Variants in ANO4 observed in about 807,000 individuals in gnomAD.
ANO4 encodes the protein anoctamin 4, also known as anoctamin-4.
ANO4 carries 69 observed loss-of-function variants against 141.9 expected under a neutral mutation model. The observed-to-expected ratio is 0.49, with a 90% confidence interval of 0.40 to 0.59. The LOEUF is 0.59. Among genes scored for constraint, ANO4 ranks in the 20% least tolerant of loss-of-function variants. ANO4 has a pLI of 0.00. For synonymous variants in ANO4, 350 were observed against 394.3 expected (o/e 0.89, Z 1.33); for missense variants, 894 against 1,162.2 (o/e 0.77, Z 3.36).
At chr12:100,906,891 A>C (rs1317212781) in intron 2 of ANO4, among the ~76,000 whole-genome samples, 1 of 152,182 alleles carries the variant, frequency 6.6e-6, no homozygotes, top group Non-Finnish European at 1.5e-5. Context: ...GTTCTAAGTG[A>C]AAGAGCCACA....
At chr12:101,033,937 G>A (rs1274221049) in intron 9 of ANO4, among the ~76,000 whole-genome samples, 10 of 152,150 alleles carry the variant, frequency 6.6e-5, no homozygotes, top group African/African-American at 2.4e-4. Flanking sequence ...ACCGTAATGA[G>A]ATACCATCTA....
At position 100,998,768 on chromosome 12, in the gene ANO4, A is replaced by G. The variant is rs59383444; in HGVS notation, c.734+11098A>G. On this transcript the variant is annotated intron_variant, in intron 8 of 27. Transcript: ENST00000392977. ...CCAGCTATGGAAACTCAGGTTGTCA[A>G]TATTAGAGTCAGTCATTCCAGGAGG... Among the ~76,000 whole-genome samples, 452 of 152,326 alleles carry G rather than the reference A, an allele frequency of 3.0e-3. 3 individuals carry two copies. Among genetic ancestry groups the G allele is most frequent in the African/African-American group, 1.0e-2 (415 of 41,586 alleles).
intron 9 of ANO4, 91 bp downstream of exon 9, chr12:101,020,231 G>GTTTGTAT: frequency 1.2e-6 from 1 of 859,318 alleles, no homozygotes; most frequent in Non-Finnish European, 1.8e-6. Flanking sequence ...ATCAATTCTA[G>GTTTGTAT]CAATGCTTGT....
intron 17 of ANO4, among the ~76,000 whole-genome samples, chr12:101,091,403 G>A (rs2049768886): frequency 6.6e-6 from 1 of 152,096 alleles, no homozygotes; most frequent in South Asian, 2.1e-4. Context: ...TGTCCCCTGA[G>A]GTTTTGTGGG....
intron 2 of ANO4, among the ~76,000 whole-genome samples, chr12:100,919,732 G>GTATCTATCTATC (rs763584121): frequency 6.3e-5 from 7 of 111,974 alleles, no homozygotes; most frequent in South Asian, 3.1e-4. Context: ...ATGTGTGTAT[G>GTATCTATCTATC]TATGTATCTA....
chr12:101,074,929 G>C (rs1173078284), intron 14 of ANO4, among the ~76,000 whole-genome samples: 1 of 152,142 alleles, frequency 6.6e-6, no homozygotes, highest in Non-Finnish European at 1.5e-5. Flanking sequence ...GACTCTGAAG[G>C]TATAAAGACA....
At chr12:100,889,059 T>G (rs1474582951) in intron 1 of ANO4, among the ~76,000 whole-genome samples, 2 of 122,120 alleles carry the variant, frequency 1.6e-5, no homozygotes, top group Non-Finnish European at 1.6e-5. Context: ...GTCCCCAGAG[T>G]GTGATGTTCC....
intron 13 of ANO4, among the ~76,000 whole-genome samples, chr12:101,044,465 A>G (rs1362391303): frequency 6.6e-6 from 1 of 152,248 alleles, no homozygotes; most frequent in Non-Finnish European, 1.5e-5. Context: ...ACACAAAACA[A>G]TAGCTGAAGT....
chr12:100,745,565 A>C (rs1392121455), intron 3 of ANO4, among the ~76,000 whole-genome samples: 1 of 152,184 alleles, frequency 6.6e-6, no homozygotes, highest in African/African-American at 2.4e-5. Flanking sequence ...TTGAAGAGAG[A>C]ACTAGGCCTG....
intron 1 of ANO4, among the ~76,000 whole-genome samples, chr12:100,875,367 G>A (rs778493675): frequency 1.3e-5 from 2 of 152,184 alleles, no homozygotes; most frequent in African/African-American, 4.8e-5. Flanking sequence ...ACGCAGGAAT[G>A]TTCTATGAGC....
At chr12:100,745,590 A>G (rs1273933149) in intron 3 of ANO4, among the ~76,000 whole-genome samples, 2 of 152,212 alleles carry the variant, frequency 1.3e-5, no homozygotes, top group East Asian at 1.9e-4. Context: ...ATAGAGCTGA[A>G]GAAATTACCC....
chr12:100,969,660 C>G (rs1320831660), intron 5 of ANO4, among the ~76,000 whole-genome samples: 1 of 152,064 alleles, frequency 6.6e-6, no homozygotes, highest in African/African-American at 2.4e-5. Flanking sequence ...AAAAGTTGAG[C>G]TTCTATTTTT....
intron 8 of ANO4, 67 bp downstream of exon 8, chr12:100,987,737 A>C: frequency 1.9e-6 from 3 of 1,582,650 alleles, no homozygotes; most frequent in Non-Finnish European, 2.6e-6. Context: ...CTCACCCTGC[A>C]CGCCTTTGAT....
chr12:100,900,489 C>A (rs1404982890), intron 1 of ANO4, among the ~76,000 whole-genome samples: 1 of 135,760 alleles, frequency 7.4e-6, no homozygotes, highest in African/African-American at 2.7e-5. Context: ...GTGTGATGTT[C>A]CCCTTCCTGT....
At chr12:100,878,664 G>T (rs1044500803) in intron 1 of ANO4, among the ~76,000 whole-genome samples, 2 of 152,120 alleles carry the variant, frequency 1.3e-5, no homozygotes, top group African/African-American at 4.8e-5. Context: ...TAGCATGATT[G>T]TCTACTGGCA....
intron 14 of ANO4, chr12:101,069,279 C>G: frequency 1.1e-6 from 1 of 919,168 alleles, no homozygotes; most frequent in Non-Finnish European, 1.8e-6. Flanking sequence ...GAAAGAAAGC[C>G]AAACATCACT....
At chr12:100,787,580 A>G (rs1340016339) in intron 3 of ANO4, among the ~76,000 whole-genome samples, 3 of 152,178 alleles carry the variant, frequency 2.0e-5, no homozygotes, top group Non-Finnish European at 2.9e-5. Flanking sequence ...AGTGAGGCTC[A>G]AGGCAGGGAG....
At chr12:101,061,511 G>A (rs1204762367) in intron 14 of ANO4, among the ~76,000 whole-genome samples, 1 of 151,944 alleles carries the variant, frequency 6.6e-6, no homozygotes, top group East Asian at 1.9e-4. Flanking sequence ...ATCACTTTCA[G>A]GTACACCAAT....
chr12:101,127,000 T>G lies in ANO4; in HGVS notation c.2798T>G (p.Leu933Arg), dbSNP rs956865485. Reference protein sequence around the residue: ...LIQEMMYEAELERLQKERKER... With the variant: ...LIQEMMYEAERERLQKERKER... ...CAGGAGATGATGTATGAAGCAGAAC[T>G]GGAACGTCTCCAGAAGGAACGAAAG... is the stretch of plus-strand genomic sequence containing the variant. The change falls in exon 27 of 28, where the codon CTG (leucine) becomes CGG (arginine). Residue 933 changes from leucine to arginine, a missense_variant. By Grantham distance (102) the Leu-to-Arg change is moderately radical. Around this residue, in one of 2 missense-constraint regions of ANO4, gnomAD observed 637 missense variants for 909.2 expected, o/e 0.70. Transcript: ENST00000392977. 6.2e-7 allele frequency: 1 copy of G among 1,614,162 alleles called. No individual in the cohort carries two copies. Among genetic ancestry groups the G allele is most frequent in the Non-Finnish European group, 8.5e-7 (1 of 1,180,034 alleles).
Sources: gnomAD v4.1 joint callset for allele counts (sites outside exome capture counted in the v4.1 genomes callset) on GRCh38, gnomAD v4.1.1 for gene constraint, gnomAD v4.1.1 regional missense constraint, MANE v1.5 for transcripts, NCBI Gene and HGNC (gene_info 2026-07-23, HGNC 2026-07-21) for gene names.